The following RRBP1 variants were observed in gnomAD, a reference collection of about 807,000 sequenced individuals.
RRBP1 encodes ribosome binding protein 1.
Under a neutral mutation model 165.2 loss-of-function variants are expected in RRBP1, and 94 were observed. That is an observed-to-expected ratio of 0.57 (90% confidence interval 0.48 to 0.68). The LOEUF is 0.68. Among genes scored for constraint, RRBP1 ranks in the 30% least tolerant of loss-of-function variants. The probability of loss-of-function intolerance (pLI) is 0.00; values close to 1 mark genes in which losing one functional copy is unlikely to be tolerated. For synonymous variants in RRBP1, 680 were observed against 714.5 expected, an observed-to-expected ratio of 0.95 and a Z score of 0.77; for missense variants, 1,676 against 1,763.0, an observed-to-expected ratio of 0.95 and a Z score of 0.88.
At chr20:17,642,715 A>T (rs1410089860) in intron 4 of RRBP1, among the ~76,000 whole-genome samples, 1 of 152,014 alleles carries the variant, frequency 6.6e-6, no homozygotes, top group African/African-American at 2.4e-5. Flanking sequence ...GTGGCCACAA[A>T]CTGGCTAGGC....
In RRBP1 at chr20:17,614,215, G is replaced by C; in HGVS notation, c.4200C>G (p.Asp1400Glu). 1 of 1,613,520 alleles carries C rather than the reference G, an allele frequency of 6.2e-7. No homozygotes were observed. Among genetic ancestry groups the C allele is most frequent in the Non-Finnish European group, 8.5e-7 (1 of 1,179,956 alleles). Residue 1400 changes from aspartate to glutamate, a missense_variant, in exon 25 of 25, where the codon GAC (aspartate) becomes GAG (glutamate). Physicochemically the swap from Asp to Glu is conservative, Grantham distance 45. Transcript: ENST00000377813. The stretch of plus-strand genomic sequence containing the variant: ...AGGTGCCCTCCTTTGAGCTGCTGCC[G>C]TCCTCCTGTGAACGAAGGCAGGTGG... ...KLQEQLEKAE[D>E]GSSSKEGTSV
intron 12 of RRBP1, 125 bp downstream of exon 12, chr20:17,625,387 G>T: frequency 2.5e-6 from 2 of 793,512 alleles, no homozygotes; most frequent in East Asian, 2.6e-5. Flanking sequence ...ACAGCACAAT[G>T]GGGTGTAGAA....
At chr20:17,669,793 G>A (rs903944659) in intron 2 of RRBP1, among the ~76,000 whole-genome samples, 1 of 152,112 alleles carries the variant, frequency 6.6e-6, no homozygotes, top group East Asian at 1.9e-4. Context: ...CCAGCAGGGT[G>A]ATTTTTCCCC....
In RRBP1 at chr20:17,639,832, G is replaced by A. The variant is rs1317386838; in HGVS notation, c.2184+1965C>T. ...CGCTTGAACCCGGGAGGCGGAGGTT[G>A]CAGTGAGCCAAGATCGTGCCATTGC... On this transcript the variant is annotated intron_variant, in intron 5 of 24. Coordinates refer to ENST00000377813, the MANE Select transcript of RRBP1 (RefSeq NM_001365613.2). 8.7e-5 allele frequency among the ~76,000 whole-genome samples: 13 copies of A among 149,872 alleles called. No individual in the cohort carries two copies. In the South Asian group the frequency reaches 2.7e-3, roughly 32 times the overall value.
At position 17,616,010 on chromosome 20, in the gene RRBP1, C is replaced by T. The variant is rs1262323918; in HGVS notation, c.3868-1G>A. The T allele has an allele frequency of 3.1e-6, 5 of 1,604,778 alleles. 1 individual carries two copies. The Admixed American group carries it at 8.3e-5, about 27-fold the overall frequency. ...CTGTCCACTCCAGCTGCGTCTTCAG[C>T]TGTGCAAACACCGCAAACATAACCC... On this transcript the variant is annotated splice_acceptor_variant, in intron 21 of 24. Transcript: ENST00000377813. LOFTEE classifies it high-confidence loss of function.
chr20:17,622,284 G>A (rs1024438162), intron 13 of RRBP1, among the ~76,000 whole-genome samples: 1 of 152,230 alleles, frequency 6.6e-6, no homozygotes, highest in African/African-American at 2.4e-5. Context: ...CTGGGCATGT[G>A]TGCATGTGTG....
intron 2 of RRBP1, among the ~76,000 whole-genome samples, chr20:17,661,711 AGAGGAGGGGAAGTG>A (rs2036770010): frequency 6.6e-6 from 1 of 152,112 alleles, no homozygotes; most frequent in Non-Finnish European, 1.5e-5. Context: ...GTGGAAGAGG[AGAGGAGGGGAAGTG>A]GACAGGCCTC....
At chr20:17,621,053 G>A (rs1218761990) in intron 16 of RRBP1, among the ~76,000 whole-genome samples, 1 of 152,204 alleles carries the variant, frequency 6.6e-6, no homozygotes, top group Non-Finnish European at 1.5e-5. Context: ...GGACCACTAG[G>A]ATGCTTGTTA....
intron 2 of RRBP1, among the ~76,000 whole-genome samples, chr20:17,676,555 C>T (rs1054666736): frequency 6.6e-6 from 1 of 152,188 alleles, no homozygotes; most frequent in Admixed American, 6.5e-5. Flanking sequence ...TCCGGTCACA[C>T]CGGACAGCCC....
intron 2 of RRBP1, 74 bp from the exon 3 acceptor site, chr20:17,660,602 C>T: frequency 2.3e-6 from 2 of 886,608 alleles, no homozygotes; most frequent in Non-Finnish European, 1.8e-6. Context: ...ACCCTACCAC[C>T]AAACTTCAGG....
chr20:17,618,827 C>A, intron 19 of RRBP1, 148 bp from the exon 20 acceptor site: 2 of 643,944 alleles, frequency 3.1e-6, no homozygotes, highest in Admixed American at 2.4e-5. Context: ...CGGCACAGGG[C>A]TCGCCAGGCT....
intron 3 of RRBP1, among the ~76,000 whole-genome samples, chr20:17,647,299 A>G (rs78687433): frequency 0.015 from 2,347 of 152,370 alleles, 87 homozygotes; most frequent in East Asian, 0.074. Context: ...CCTGGAGAAC[A>G]ATTGTGGCAG....
intron 3 of RRBP1, among the ~76,000 whole-genome samples, chr20:17,651,203 A>G (rs1420911383): frequency 6.6e-6 from 1 of 152,192 alleles, no homozygotes; most frequent in African/African-American, 2.4e-5. Context: ...CTGCTCCCCA[A>G]ACTTCCTGAA....
chr20:17,641,694 G>C lies in RRBP1; in HGVS notation c.2184+103C>G, dbSNP rs1402700836. ...CAGCCTGACAGCCAGCTACGTTCCAGGCAGGCCCCAGCATCTCGGAGCCCG... is the reference window on the plus strand; with the variant it reads ...CAGCCTGACAGCCAGCTACGTTCCACGCAGGCCCCAGCATCTCGGAGCCCG... On this transcript the variant is annotated intron_variant, in intron 5 of 24. Transcript: ENST00000377813. 12 of 1,413,996 alleles carry C rather than the reference G, an allele frequency of 8.5e-6. No individual in the cohort carries two copies. The Admixed American group carries it at 2.0e-4, about 24-fold the overall frequency. 87.6% of individuals were successfully genotyped at this position (1,413,996 alleles called of 1,614,324 possible). A position where few individuals can be genotyped will look rare whatever the true frequency, so the allele number is the denominator to read the frequency against.
chr20:17,674,109 G>A (rs2037029175), intron 2 of RRBP1, among the ~76,000 whole-genome samples: 1 of 152,142 alleles, frequency 6.6e-6, no homozygotes, highest in South Asian at 2.1e-4. Context: ...CACTGAATGA[G>A]AACTTCAAAA....
intron 23 of RRBP1, 30 bp downstream of exon 23, chr20:17,615,401 G>C: frequency 1.3e-6 from 2 of 1,566,612 alleles, no homozygotes; most frequent in Middle Eastern, 1.8e-4. Flanking sequence ...AGACCCTCCA[G>C]GTGTGACCCC....
At chr20:17,650,112 G>A (rs2036529071) in intron 3 of RRBP1, among the ~76,000 whole-genome samples, 1 of 152,000 alleles carries the variant, frequency 6.6e-6, no homozygotes, top group South Asian at 2.1e-4. Flanking sequence ...GGTATAATGA[G>A]GGCCTGTTTA....
chr20:17,632,668 T>TCTC (rs3076302), intron 8 of RRBP1, among the ~76,000 whole-genome samples: 150,973 of 152,274 alleles, frequency 0.99, 74,852 homozygotes, highest in Middle Eastern at 1. Flanking sequence ...GCCCCTGGGG[T>TCTC]CTCATTATCC....
intron 3 of RRBP1, among the ~76,000 whole-genome samples, chr20:17,652,569 T>A (rs561072118): frequency 6.6e-6 from 1 of 151,670 alleles, no homozygotes; most frequent in East Asian, 1.9e-4. Context: ...CCCAACACAC[T>A]CACACCCACA....
Sources: allele counts gnomAD v4.1 joint callset (sites outside exome capture counted in the v4.1 genomes callset), GRCh38; gene constraint gnomAD v4.1.1; transcripts MANE v1.5; gene names NCBI Gene and HGNC (gene_info 2026-07-23, HGNC 2026-07-21).